The following RTN4RL1 variants were observed in gnomAD, a reference collection of about 807,000 sequenced individuals.
RTN4RL1 encodes the protein reticulon 4 receptor like 1, also known as reticulon-4 receptor-like 1.
Under a neutral mutation model 25.6 loss-of-function variants are expected in RTN4RL1, and 7 were observed. That is an observed-to-expected ratio of 0.27 (90% confidence interval 0.16 to 0.51). The LOEUF (loss-of-function observed/expected upper bound fraction) is 0.51, where lower values mean the gene tolerates loss of function less well. RTN4RL1 is among the 20% of genes least tolerant of loss of function. The pLI is 0.97. For missense variants in RTN4RL1, 500 were observed against 615.6 expected (o/e 0.81, Z 1.99); for synonymous variants, 297 against 288.2 (o/e 1.03, Z -0.31).
chr17:1,999,139 T>TACACACA (rs1230770315), intron 1 of RTN4RL1, among the ~76,000 whole-genome samples: 61 of 82,992 alleles, frequency 7.4e-4, no homozygotes, highest in African/African-American at 4.3e-3. Flanking sequence ...TGTGTGCTCA[T>TACACACA]CATACACACA....
intron 1 of RTN4RL1, chr17:2,003,152 G>A (rs2066970465): frequency 6.6e-6 from 1 of 152,254 alleles, no homozygotes; most frequent in Admixed American, 6.5e-5. Flanking sequence ...ATCCTCCCAG[G>A]GATTGGATCT....
intron 1 of RTN4RL1, among the ~76,000 whole-genome samples, chr17:1,956,442 G>T (rs1014710945): frequency 6.7e-6 from 1 of 149,940 alleles, no homozygotes; most frequent in Non-Finnish European, 1.5e-5. Context: ...GGGCCTGGTG[G>T]GGGGGCGGGT....
At chr17:1,953,073 A>AAAAAT (rs1032453196) in intron 1 of RTN4RL1, among the ~76,000 whole-genome samples, 9 of 151,732 alleles carry the variant, frequency 5.9e-5, no homozygotes, top group East Asian at 3.9e-4. Context: ...TCTAGTTTCA[A>AAAAAT]AAAATAAAAT....
At chr17:2,004,591 AC>A (rs2066981242) in intron 1 of RTN4RL1, among the ~76,000 whole-genome samples, 1 of 151,908 alleles carries the variant, frequency 6.6e-6, no homozygotes. Context: ...CCCTTATCTC[AC>A]TTTTCCAAGC....
Position 1,988,037 on chromosome 17 carries a change from T to C in RTN4RL1, c.13+36816A>G, listed in dbSNP as rs142643088. 8.4e-3 allele frequency among the ~76,000 whole-genome samples: 1,256 copies of C among 150,234 alleles called. 24 individuals carry two copies. Among genetic ancestry groups the C allele is most frequent in the African/African-American group, 0.029 (1,196 of 40,740 alleles). On this transcript the variant is annotated intron_variant, in intron 1 of 1. Transcript: ENST00000331238. ...AGGAGAATCACTTGAACCCAGGAAG[T>C]GGAGGTTGCAGTGAGCTGAGATCAC...
chr17:1,982,605 C>A (rs1413417406), intron 1 of RTN4RL1, among the ~76,000 whole-genome samples: 1 of 143,764 alleles, frequency 7.0e-6, no homozygotes, highest in Non-Finnish European at 1.5e-5. Context: ...CAGAGCGAGA[C>A]TCCGTCTCAA....
chr17:1,935,784 A>C lies in RTN4RL1; in HGVS notation c.*712T>G, dbSNP rs1915290676. Reference sequence around the variant, plus strand: ...AGTGTGAATATATATAAGTGGACGTAGTTAGTTATAAAACTGCACCTTCTG... The same window carrying C: ...AGTGTGAATATATATAAGTGGACGTCGTTAGTTATAAAACTGCACCTTCTG... On this transcript the variant is annotated 3_prime_UTR_variant, in exon 2 of 2. Transcript: ENST00000331238. 2.2e-6 allele frequency: 2 copies of C among 927,162 alleles called. No individual in the cohort carries two copies. Among genetic ancestry groups the C allele is most frequent in the Admixed American group, 6.6e-5 (1 of 15,192 alleles). 57.4% of individuals were successfully genotyped at this position (927,162 alleles called of 1,614,324 possible).
chr17:1,977,984 G>T (rs973870261), intron 1 of RTN4RL1, among the ~76,000 whole-genome samples: 3 of 148,912 alleles, frequency 2.0e-5, no homozygotes, highest in South Asian at 4.3e-4. Flanking sequence ...CCCTCATCCC[G>T]CATCTTGCAC....
intron 1 of RTN4RL1, among the ~76,000 whole-genome samples, chr17:1,964,753 A>C (rs1457237403): frequency 1.3e-5 from 2 of 150,262 alleles, no homozygotes; most frequent in Non-Finnish European, 3.0e-5. Context: ...TTTTTTAATT[A>C]ATTTCACCGT....
At chr17:2,001,319 A>T (rs1017732320) in intron 1 of RTN4RL1, 1 of 151,986 alleles carries the variant, frequency 6.6e-6, no homozygotes, top group African/African-American at 2.4e-5. Context: ...ATCTGGGCTC[A>T]CTGCAAGCTC....
chr17:2,016,013 G>C (rs4790865), intron 1 of RTN4RL1, among the ~76,000 whole-genome samples: 1,832 of 152,158 alleles, frequency 0.012, 31 homozygotes, highest in African/African-American at 0.042. Context: ...TTCCCCCTGG[G>C]TCTGGCTCTG....
chr17:1,976,606 G>C (rs181052622), intron 1 of RTN4RL1, among the ~76,000 whole-genome samples: 135 of 152,324 alleles, frequency 8.9e-4, no homozygotes, highest in African/African-American at 3.0e-3. Flanking sequence ...GTACTTCCCA[G>C]GGCTGTTGGG....
chr17:1,955,495 G>C (rs745698343), intron 1 of RTN4RL1, among the ~76,000 whole-genome samples: 13 of 151,666 alleles, frequency 8.6e-5, no homozygotes, highest in Non-Finnish European at 1.5e-4. Context: ...GGTCAAGGCT[G>C]CTGTTAACCA....
rs61209329 is a variant in RTN4RL1, at chr17:2,005,739, TTCTC to T, written c.13+19110_13+19113del. Among the ~76,000 whole-genome samples the T allele has an allele frequency of 3.5e-3, 501 of 145,208 alleles. 1 individual carries two copies. The highest frequency in any genetic ancestry group is 9.2e-3 in the African/African-American group (360 of 38,968). On this transcript the variant is annotated intron_variant, in intron 1 of 1. Coordinates refer to ENST00000331238, the MANE Select transcript of RTN4RL1 (RefSeq NM_178568.4). ...AGAGCAAGACCATCTCTCTCTCTCT[TTCTC>T]TCTCTCTCTCTCTCTCTCTCTCCTT... is the stretch of plus-strand genomic sequence containing the variant.
intron 1 of RTN4RL1, among the ~76,000 whole-genome samples, chr17:1,967,560 C>T (rs1473085907): frequency 2.0e-5 from 3 of 149,898 alleles, no homozygotes; most frequent in East Asian, 2.0e-4. Flanking sequence ...CTCTTCGAGC[C>T]CTACACCTGG....
At chr17:1,995,049 G>C (rs1353735144) in intron 1 of RTN4RL1, among the ~76,000 whole-genome samples, 3 of 152,178 alleles carry the variant, frequency 2.0e-5, no homozygotes, top group Non-Finnish European at 4.4e-5. Context: ...GGGGCCCTGG[G>C]ACCATGCTCA....
At chr17:1,961,773 C>CAAAAAAAAAAAAAA (rs1163170575) in intron 1 of RTN4RL1, among the ~76,000 whole-genome samples, 22 of 55,592 alleles carry the variant, frequency 4.0e-4, no homozygotes, top group African/African-American at 4.1e-4. Context: ...ACTAAAAATA[C>CAAAAAAAAAAAAAA]AAAAAAAAAA....
At chr17:1,947,381 A>C (rs1915578839) in intron 1 of RTN4RL1, among the ~76,000 whole-genome samples, 1 of 152,064 alleles carries the variant, frequency 6.6e-6, no homozygotes, top group South Asian at 2.1e-4. Flanking sequence ...GGCCCCCTTC[A>C]CCCTGCAGCG....
intron 1 of RTN4RL1, among the ~76,000 whole-genome samples, chr17:1,949,101 C>T (rs949659495): frequency 3.3e-5 from 5 of 152,164 alleles, no homozygotes; most frequent in African/African-American, 4.8e-5. Context: ...GGACTACAGG[C>T]GCCTGCCACG....
Sources: allele counts gnomAD v4.1 joint callset (sites outside exome capture counted in the v4.1 genomes callset), GRCh38; gene constraint gnomAD v4.1.1; transcripts MANE v1.5; gene names NCBI Gene and HGNC (gene_info 2026-07-23, HGNC 2026-07-21).